Variants in PALLD observed in about 807,000 individuals in gnomAD.
The protein encoded by PALLD is palladin, cytoskeletal associated protein.
In PALLD, 61 loss-of-function variants were observed where a neutral mutation model predicts 123.5. The ratio of observed to expected loss-of-function variants is 0.49; its 90% CI spans 0.40 to 0.61. PALLD has a LOEUF of 0.61. Ranked by LOEUF, PALLD falls within the 20% of genes least tolerant of loss-of-function variation. PALLD has a pLI of 0.00. For missense variants in PALLD, 1,273 were observed against 1,377.0 expected, an observed-to-expected ratio of 0.92 and a Z score of 1.20; for synonymous variants, 465 against 496.4, an observed-to-expected ratio of 0.94 and a Z score of 0.84.
At chr4:168,653,861 C>T (rs1580780971) in intron 2 of PALLD, among the ~76,000 whole-genome samples, 1 of 152,066 alleles carries the variant, frequency 6.6e-6, no homozygotes, top group Non-Finnish European at 1.5e-5. Context: ...CCACCATGCC[C>T]AGCTAATTTT....
intron 2 of PALLD, among the ~76,000 whole-genome samples, chr4:168,550,128 A>T (rs1018353294): frequency 3.9e-5 from 6 of 152,200 alleles, no homozygotes; most frequent in Admixed American, 3.3e-4. Context: ...TTTCCCCTGT[A>T]TCAGCAAATA....
chr4:168,547,566 C>CAAAAAAA (rs11339394), intron 2 of PALLD, among the ~76,000 whole-genome samples: 3 of 70,934 alleles, frequency 4.2e-5, no homozygotes, highest in African/African-American at 5.8e-5. Context: ...TAATAAAATA[C>CAAAAAAA]AAAAAAAAAA....
At chr4:168,588,222 A>C (rs540151699) in intron 2 of PALLD, among the ~76,000 whole-genome samples, 19 of 152,188 alleles carry the variant, frequency 1.2e-4, no homozygotes, top group African/African-American at 4.1e-4. Flanking sequence ...ATGGATTTGT[A>C]AAAAATTCCT....
chr4:168,591,289 T>C (rs1032158629), intron 2 of PALLD, among the ~76,000 whole-genome samples: 4 of 152,192 alleles, frequency 2.6e-5, no homozygotes, highest in Non-Finnish European at 5.9e-5. Flanking sequence ...ATGTCAGTAA[T>C]ACTATGAGTC....
At chr4:168,604,936 T>A (rs1407491625) in intron 2 of PALLD, among the ~76,000 whole-genome samples, 1 of 152,246 alleles carries the variant, frequency 6.6e-6, no homozygotes, top group Non-Finnish European at 1.5e-5. Flanking sequence ...AAAGGATATT[T>A]GATCTTCCAG....
At chr4:168,901,457 G>A (rs1756498009) in intron 14 of PALLD, among the ~76,000 whole-genome samples, 1 of 152,162 alleles carries the variant, frequency 6.6e-6, no homozygotes, top group African/African-American at 2.4e-5. Flanking sequence ...CAAGTATAAT[G>A]GAGGTGAAAA....
chr4:168,580,318 T>C (rs949413639), intron 2 of PALLD, among the ~76,000 whole-genome samples: 8 of 151,674 alleles, frequency 5.3e-5, no homozygotes, highest in Non-Finnish European at 1.0e-4. Context: ...GCAAAGGACA[T>C]GAACAGACAA....
intron 2 of PALLD, among the ~76,000 whole-genome samples, chr4:168,519,904 CTTTTT>C (rs33986145): frequency 6.6e-6 from 1 of 150,844 alleles, no homozygotes; most frequent in Non-Finnish European, 1.5e-5. Flanking sequence ...CATTTTAAAT[CTTTTT>C]TTTTTTCTGT....
chr4:168,903,934 G>T, intron 15 of PALLD, 28 bp downstream of exon 15: 1 of 1,605,038 alleles, frequency 6.2e-7, no homozygotes, highest in Non-Finnish European at 8.5e-7. Context: ...TCTGGGCTCA[G>T]TTCTGTGTCT....
At chr4:168,741,665 C>CA (rs577350709) in intron 10 of PALLD, among the ~76,000 whole-genome samples, 86 of 152,062 alleles carry the variant, frequency 5.7e-4, no homozygotes, top group African/African-American at 1.6e-3. Flanking sequence ...GCCTAGACGA[C>CA]AGAGTACAAT....
intron 4 of PALLD, 118 bp from the exon 5 acceptor site, chr4:168,682,880 A>T (rs1040092874): frequency 3.0e-6 from 2 of 667,118 alleles, no homozygotes; most frequent in African/African-American, 3.7e-5. Context: ...TGCGTATACA[A>T]AAAGAAACCC....
chr4:168,676,394 A>G (rs1470941864), intron 3 of PALLD, among the ~76,000 whole-genome samples: 1 of 152,036 alleles, frequency 6.6e-6, no homozygotes, highest in Non-Finnish European at 1.5e-5. Flanking sequence ...AATAATAGAA[A>G]TGAGAGAAAG....
intron 2 of PALLD, among the ~76,000 whole-genome samples, chr4:168,542,345 G>T (rs766924819): frequency 6.6e-6 from 1 of 151,948 alleles, no homozygotes; most frequent in Non-Finnish European, 1.5e-5. Context: ...GACCCTAGGA[G>T]TTCGAGGCTG....
chr4:168,761,629 TTTG>T (rs1186060624), intron 10 of PALLD, among the ~76,000 whole-genome samples: 2 of 147,170 alleles, frequency 1.4e-5, no homozygotes, highest in African/African-American at 2.5e-5. Context: ...CCCAGCTATT[TTTG>T]TTGTTGTTGT....
In PALLD at chr4:168,685,817, A is replaced by AT. The variant is rs199823182; in HGVS notation, c.1335+258_1335+259insT. 5.8e-3 allele frequency among the ~76,000 whole-genome samples: 866 copies of AT among 149,608 alleles called. 6 individuals are homozygous for AT. Among genetic ancestry groups the AT allele is most frequent in the African/African-American group, 0.021 (832 of 40,450 alleles). ...GGAAAGCCAAGACAGATAGAAAAAAAAAAAAAAAAAAAAAAAAACCTGCTG... is the reference window on the plus strand; with the variant it reads ...GGAAAGCCAAGACAGATAGAAAAAAATAAAAAAAAAAAAAAAAAACCTGCTG... On this transcript the variant is annotated intron_variant, in intron 6 of 21. Transcript: ENST00000505667.
chr4:168,554,876 C>T (rs1561241488), intron 2 of PALLD, among the ~76,000 whole-genome samples: 1 of 152,016 alleles, frequency 6.6e-6, no homozygotes, highest in Non-Finnish European at 1.5e-5. Context: ...TACTTTTATA[C>T]TATCATGTTT....
At chr4:168,504,374 T>C (rs1761768715) in intron 1 of PALLD, among the ~76,000 whole-genome samples, 2 of 152,084 alleles carry the variant, frequency 1.3e-5, no homozygotes, top group Non-Finnish European at 1.5e-5. Context: ...GGTGGGCAGA[T>C]CACAAGGTCA....
intron 11 of PALLD, among the ~76,000 whole-genome samples, chr4:168,892,892 C>T (rs998727069): frequency 9.2e-5 from 14 of 152,128 alleles, no homozygotes; most frequent in Admixed American, 2.0e-4. Flanking sequence ...GTAAGTTCCA[C>T]AGGTATCCAC....
Position 168,877,701 on chromosome 4 carries a change from T to G in PALLD, c.1965-13221T>G, listed in dbSNP as rs944228027. On this transcript the variant is annotated intron_variant, in intron 10 of 21. Coordinates refer to ENST00000505667, the MANE Select transcript of PALLD (RefSeq NM_001166108.2). ...CCTGGCCGTTCCATCTCTGAAGGTG[T>G]CACTTCTCTTTTTCCCCCCAGGGAC... is the stretch of plus-strand genomic sequence containing the variant. 3.6e-6 allele frequency: 4 copies of G among 1,106,998 alleles called. No homozygotes were observed. The African/African-American group carries it at 6.6e-5, about 18-fold the overall frequency. 68.6% of individuals were successfully genotyped at this position (1,106,998 alleles called of 1,614,324 possible).
Sources: allele counts gnomAD v4.1 joint callset (sites outside exome capture counted in the v4.1 genomes callset), GRCh38; gene constraint gnomAD v4.1.1; transcripts MANE v1.5; gene names NCBI Gene and HGNC (gene_info 2026-07-23, HGNC 2026-07-21).